The following HIPK2 variants were observed in gnomAD, a reference collection of about 807,000 sequenced individuals.
HIPK2 encodes homeodomain interacting protein kinase 2.
HIPK2 carries 27 observed loss-of-function variants against 113.7 expected under a neutral mutation model. The observed-to-expected ratio is 0.24, with a 90% confidence interval of 0.17 to 0.33. The LOEUF (loss-of-function observed/expected upper bound fraction) is 0.33, where lower values mean the gene tolerates loss of function less well. Ranked by LOEUF, HIPK2 falls within the 10% of genes least tolerant of loss-of-function variation. The probability of loss-of-function intolerance (pLI) is 1.00; values close to 1 mark genes in which losing one functional copy is unlikely to be tolerated. For synonymous variants in HIPK2, 631 were observed against 642.2 expected (o/e 0.98, Z 0.26); for missense variants, 1,257 against 1,588.0 (o/e 0.79, Z 3.54).
intron 1 of HIPK2, among the ~76,000 whole-genome samples, chr7:139,753,993 T>C (rs777270817): frequency 3.9e-5 from 6 of 152,378 alleles, no homozygotes; most frequent in Admixed American, 2.0e-4. Context: ...CAGCCCTGCC[T>C]GTGGGGCTTC....
At chr7:139,648,405 T>A (rs1332626126) in intron 2 of HIPK2, among the ~76,000 whole-genome samples, 1 of 152,066 alleles carries the variant, frequency 6.6e-6, no homozygotes, top group African/African-American at 2.4e-5. Context: ...AGGCCATCAC[T>A]AGGGAGTCAC....
At chr7:139,752,533 T>C (rs1569484863) in intron 1 of HIPK2, among the ~76,000 whole-genome samples, 2 of 151,944 alleles carry the variant, frequency 1.3e-5, no homozygotes, top group African/African-American at 4.8e-5. Flanking sequence ...GAAACCAAAA[T>C]CTTCCTGAAA....
chr7:139,677,951 T>C (rs192701953), intron 2 of HIPK2, among the ~76,000 whole-genome samples: 449 of 152,388 alleles, frequency 2.9e-3, no homozygotes, highest in Middle Eastern at 6.8e-3. Context: ...GGTTTTGATT[T>C]GCATTTCTCT....
At chr7:139,713,932 A>G (rs1795143205) in intron 2 of HIPK2, among the ~76,000 whole-genome samples, 1 of 152,170 alleles carries the variant, frequency 6.6e-6, no homozygotes, top group Admixed American at 6.5e-5. Flanking sequence ...AACCCTCCAG[A>G]TTCACTCAAC....
At chr7:139,644,060 G>A (rs1801123882) in intron 2 of HIPK2, among the ~76,000 whole-genome samples, 1 of 152,150 alleles carries the variant, frequency 6.6e-6, no homozygotes, top group African/African-American at 2.4e-5. Context: ...ACAAATGTTT[G>A]CAGAAGCACC....
At chr7:139,621,182 T>C (rs1017255783) in intron 6 of HIPK2, among the ~76,000 whole-genome samples, 2 of 152,202 alleles carry the variant, frequency 1.3e-5, no homozygotes, top group African/African-American at 4.8e-5. Context: ...CTAATAATAA[T>C]ACTCTGCAAC....
At chr7:139,771,734 A>G (rs1301453598) in intron 1 of HIPK2, among the ~76,000 whole-genome samples, 4 of 152,028 alleles carry the variant, frequency 2.6e-5, no homozygotes, top group Non-Finnish European at 5.9e-5. Context: ...AACTGCCACC[A>G]TTTTTTTAAA....
At chr7:139,689,368 A>C (rs971090194) in intron 2 of HIPK2, among the ~76,000 whole-genome samples, 5 of 152,226 alleles carry the variant, frequency 3.3e-5, no homozygotes, top group Admixed American at 1.3e-4. Context: ...TAGGCAGTCC[A>C]AGTGTGTCAT....
intron 2 of HIPK2, among the ~76,000 whole-genome samples, chr7:139,663,187 C>T (rs1446437488): frequency 6.6e-6 from 1 of 152,226 alleles, no homozygotes. Flanking sequence ...GTCCCCTCCA[C>T]CATGAAGCTT....
intron 1 of HIPK2, among the ~76,000 whole-genome samples, chr7:139,736,054 C>T (rs1167047075): frequency 6.6e-6 from 1 of 152,008 alleles, no homozygotes; most frequent in Non-Finnish European, 1.5e-5. Flanking sequence ...CGATTTTGTT[C>T]TGTTGAGGAG....
rs750113222 is a variant in HIPK2 at position 139,768,243 on chromosome 7, GA to G, written c.19+9361del. ...TCCCTAGTTTGTGTCTTATAACCGT[GA>G]AAGTCTGAGTGTTCAACTAATTTCA... is the stretch of plus-strand genomic sequence containing the variant. On this transcript the variant is annotated intron_variant, in intron 1 of 14. Transcript: ENST00000406875. Among the ~76,000 whole-genome samples the G allele has an allele frequency of 9.2e-5, 14 of 152,342 alleles. No homozygotes were observed. The South Asian group carries it at 1.7e-3, about 18-fold the overall frequency.
At chr7:139,739,787 AT>A (rs997523552) in intron 1 of HIPK2, among the ~76,000 whole-genome samples, 38 of 152,236 alleles carry the variant, frequency 2.5e-4, no homozygotes, top group African/African-American at 7.5e-4. Flanking sequence ...TGTTCTAGAC[AT>A]TTCATATAAA....
At chr7:139,706,475 A>G (rs1794902520) in intron 2 of HIPK2, among the ~76,000 whole-genome samples, 1 of 152,202 alleles carries the variant, frequency 6.6e-6, no homozygotes, top group African/African-American at 2.4e-5. Flanking sequence ...TCATTCATTA[A>G]TGCATGCAGG....
intron 12 of HIPK2, among the ~76,000 whole-genome samples, chr7:139,595,874 T>C (rs988839399): frequency 6.6e-6 from 1 of 152,226 alleles, no homozygotes; most frequent in Non-Finnish European, 1.5e-5. Context: ...CATATCCAGC[T>C]GCAGGATGCG....
Position 139,716,999 on chromosome 7 carries a change from C to T in HIPK2, c.36G>A (p.Val12=), listed in dbSNP as rs1191760294. 7 of 1,610,440 alleles carry T rather than the reference C, an allele frequency of 4.3e-6. No individual in the cohort carries two copies. In the African/African-American group the frequency reaches 9.4e-5, roughly 22 times the overall value. ...GAAGGGTGTGAGGGGAGAAAACTTG[C>T]ACATGTGAGGCCATACCTACAAGGA... ...APVYEGMASH[V]QVFSPHTLQS... is the part of the protein sequence containing the mutation. Residue 12 remains valine (V), a synonymous_variant, in exon 2 of 15, where the codon GTG becomes GTA. Transcript: ENST00000406875. This position sits in a 1 kb window ranked among gnomAD's most constrained non-coding sequence, Gnocchi z 9.3.
chr7:139,740,492 T>C (rs537511293), intron 1 of HIPK2, among the ~76,000 whole-genome samples: 18 of 152,334 alleles, frequency 1.2e-4, no homozygotes, highest in Non-Finnish European at 1.2e-4. Context: ...TCTGTGCTCC[T>C]GGTCAAAGCC....
intron 2 of HIPK2, among the ~76,000 whole-genome samples, chr7:139,641,020 G>A (rs551616664): frequency 3.2e-4 from 48 of 152,100 alleles, no homozygotes; most frequent in South Asian, 2.9e-3. Flanking sequence ...ACAAAAAGCT[G>A]AAAAGATTAA....
intron 2 of HIPK2, among the ~76,000 whole-genome samples, chr7:139,676,872 T>C (rs1023861047): frequency 2.6e-4 from 40 of 151,954 alleles, no homozygotes; most frequent in Non-Finnish European, 4.0e-4. Flanking sequence ...TTTTCTTTTT[T>C]TTTTTTTTGA....
At chr7:139,644,960 A>G (rs550921710) in intron 2 of HIPK2, among the ~76,000 whole-genome samples, 1 of 152,372 alleles carries the variant, frequency 6.6e-6, no homozygotes, top group South Asian at 2.1e-4. Context: ...AGAAAGTAAC[A>G]TCACTTATGT....
Sources: gnomAD v4.1 joint callset for allele counts (sites outside exome capture counted in the v4.1 genomes callset) on GRCh38, gnomAD v4.1.1 for gene constraint, Gnocchi (gnomAD v3.1) non-coding constraint, MANE v1.5 for transcripts, NCBI Gene and HGNC (gene_info 2026-07-23, HGNC 2026-07-21) for gene names.